ARHGAP45: variants seen among roughly 807,000 people sequenced by gnomAD.
ARHGAP45 encodes the protein Rho GTPase activating protein 45.
Under a neutral mutation model 116.1 loss-of-function variants are expected in ARHGAP45, and 56 were observed. The observed-to-expected ratio is 0.48, with a 90% CI of 0.39 to 0.60. The LOEUF is 0.60. ARHGAP45 is among the 20% of genes least tolerant of loss of function. The pLI is 0.00. For synonymous variants in ARHGAP45, 866 were observed against 701.7 expected (o/e 1.23, Z -3.70); for missense variants, 1,622 against 1,601.0 (o/e 1.01, Z -0.22).
chr19:1,086,321 T>TG lies in ARHGAP45; in HGVS notation c.*316dup. ...CTGTGTGGATGGAGGAAGCTGTCCCTGCCCAGTGCATCCCCCAGGTCATCA... is the reference window on the plus strand; with the variant it reads ...CTGTGTGGATGGAGGAAGCTGTCCCTGGCCCAGTGCATCCCCCAGGTCATCA... On this transcript the variant is annotated 3_prime_UTR_variant, in exon 23 of 23. Coordinates refer to ENST00000313093, the MANE Select transcript of ARHGAP45 (RefSeq NM_012292.5). 3.3e-6 allele frequency: 1 copy of TG among 299,346 alleles called. No individual in the cohort carries two copies. Among genetic ancestry groups the TG allele is most frequent in the Non-Finnish European group, 6.4e-6 (1 of 157,054 alleles). The allele number at this position is 299,346 out of a possible 1,614,324, so 18.5% of individuals were successfully genotyped here. A position where few individuals can be genotyped will look rare whatever the true frequency, so the allele number is the denominator to read the frequency against.
rs1262707171 is a variant in ARHGAP45 at position 1,071,147 on chromosome 19, G to A, written c.422-2002G>A. On this transcript the variant is annotated intron_variant, in intron 2 of 22. Coordinates refer to ENST00000313093, the MANE Select transcript of ARHGAP45 (RefSeq NM_012292.5). The surrounding 1 kb of genome is among the most constrained non-coding windows in gnomAD (Gnocchi z 4.6). The stretch of plus-strand genomic sequence containing the variant: ...CGGTTAAGGAAGGACCCAGGCTGGG[G>A]CGAACGGGACCCCAGGGCGGGGTTT... 20 of 1,290,042 alleles carry A rather than the reference G, an allele frequency of 1.6e-5. No individual in the cohort carries two copies. Among genetic ancestry groups the A allele is most frequent in the Non-Finnish European group, 1.6e-5 (16 of 1,014,522 alleles). 79.9% of individuals were successfully genotyped at this position (1,290,042 alleles called of 1,614,324 possible).
intron 2 of ARHGAP45, among the ~76,000 whole-genome samples, chr19:1,072,404 C>T (rs2043157555): frequency 6.6e-6 from 1 of 152,120 alleles, no homozygotes; most frequent in Non-Finnish European, 1.5e-5. Context: ...TCGATGAGGG[C>T]ATTTAGCTTT....
Position 1,085,868 on chromosome 19 carries a change from CG to C in ARHGAP45, c.3275del (p.Gly1092AlafsTer25). On this transcript the variant is annotated frameshift_variant, in exon 23 of 23. Coordinates refer to ENST00000313093, the MANE Select transcript of ARHGAP45 (RefSeq NM_012292.5). LOFTEE classifies it low-confidence loss of function (END_TRUNC). ...GGGAGGACGGGGACGGGGACGAGGA[CG>C]GCCCGGCCCAGCAGCTCTCAGGATT... ...AREDGDGDED[G>X]PAQQLSGFNT... 6.2e-7 allele frequency: 1 copy of C among 1,612,886 alleles called. No homozygotes were observed. The highest frequency in any genetic ancestry group is 1.1e-5 in the South Asian group (1 of 91,078).
chr19:1,078,086 G>T, intron 11 of ARHGAP45, 41 bp downstream of exon 11: 1 of 1,527,346 alleles, frequency 6.5e-7, no homozygotes, highest in East Asian at 2.5e-5. Flanking sequence ...CCCTGGAGGA[G>T]GAGATCCAAT....
At chr19:1,076,481 G>GTTTTTTTTTTTTTTTTTTTTTTTTTT (rs1568464614) in intron 10 of ARHGAP45, among the ~76,000 whole-genome samples, 5 of 104,148 alleles carry the variant, frequency 4.8e-5, no homozygotes, top group African/African-American at 2.0e-4. Flanking sequence ...GTTGGCAGTA[G>GTTTTTTTTTTTTTTTTTTTTTTTTTT]TCTTTTTTTT....
Position 1,082,847 on chromosome 19 carries a change from A to G in ARHGAP45, c.2525A>G (p.Glu842Gly). The G allele has an allele frequency of 6.6e-7, 1 of 1,510,110 alleles. No homozygotes were observed. The highest frequency in any genetic ancestry group is 1.3e-5 in the South Asian group (1 of 75,548). The allele number at this position is 1,510,110 out of a possible 1,614,324, so 93.5% of individuals were successfully genotyped here. Residue 842 changes from glutamate (E) to glycine (G), a missense_variant, in exon 20 of 23, where the codon GAG becomes GGG. Glu to Gly is a moderately conservative substitution (Grantham distance 98, BLOSUM62 -2). This residue lies in a region of ARHGAP45 where 1,334 missense variants were observed against 1,263.8 expected (regional missense o/e 1.06). Coordinates refer to ENST00000313093, the MANE Select transcript of ARHGAP45 (RefSeq NM_012292.5). ...ACCCTTGACTCTGCGCAGCTTCCCG[A>G]GCCGCTCATCTCCTTCCGCCTCTAC... ...VLKLYLRQLP[E>G]PLISFRLYHE...
intron 10 of ARHGAP45, among the ~76,000 whole-genome samples, chr19:1,076,002 T>C (rs1020735784): frequency 3.9e-5 from 6 of 152,160 alleles, no homozygotes; most frequent in South Asian, 2.1e-4. Context: ...TCACCCGATA[T>C]CAGTCAGCAT....
At position 1,083,018 on chromosome 19, in the gene ARHGAP45, C is replaced by A. The variant is rs1334163584; in HGVS notation, c.2696C>A (p.Pro899Gln). 2 of 1,544,772 alleles carry A rather than the reference C, an allele frequency of 1.3e-6. No homozygotes were observed. The highest frequency in any genetic ancestry group is 3.9e-5 in the Admixed American group (2 of 51,872). Residue 899 changes from proline (P) to glutamine (Q), a missense_variant, in exon 20 of 23, where the codon CCG becomes CAG. Coordinates refer to ENST00000313093, the MANE Select transcript of ARHGAP45 (RefSeq NM_012292.5). ...GRLRELLRDL[P>Q]PENRASLQYL... is the part of the protein sequence containing the mutation. ...CTGCGGGAGCTCCTGCGGGACCTGC[C>A]GCCTGAGAACCGGGCCTCGCTGCAG...
At position 1,068,419 on chromosome 19, in the gene ARHGAP45, G is replaced by C; in HGVS notation, c.96G>C (p.Leu32=). 6.4e-7 allele frequency: 1 copy of C among 1,564,162 alleles called. No homozygotes were observed. The change falls in exon 2 of 23, where the codon CTG becomes CTC. Residue 32 remains leucine (L), a synonymous_variant. Coordinates refer to ENST00000313093, the MANE Select transcript of ARHGAP45 (RefSeq NM_012292.5). This position sits in a 1 kb window ranked among gnomAD's most constrained non-coding sequence, Gnocchi z 7.5. ...TCCCCTCGGACCTGCCCAAGGAGCT[G>C]CCCAGGAAGGATGGGGCTGACGCGG... ...GSPSPQPSGE[L]PRKDGADAVF...
At chr19:1,076,903 T>A in intron 10 of ARHGAP45, 3 of 473,006 alleles carry the variant, frequency 6.3e-6, no homozygotes, top group Non-Finnish European at 8.2e-6. Context: ...AATTTTTTAA[T>A]TTTTTTGTAG....
At chr19:1,082,075 C>T in intron 19 of ARHGAP45, 114 bp downstream of exon 19, 1 of 277,066 alleles carries the variant, frequency 3.6e-6, no homozygotes, top group Non-Finnish European at 5.9e-6. Context: ...AGGACTGGCG[C>T]AAGCGGGGGC....
In ARHGAP45 at chr19:1,069,907, C is replaced by A. The variant is rs1441283567; in HGVS notation, c.421+1163C>A. ...TTGAGGCTCACTGTTACCTTGAACT[C>A]CTGGGCTCAAGCCATCCTCCTACCT... On this transcript the variant is annotated intron_variant, in intron 2 of 22. Coordinates refer to ENST00000313093, the MANE Select transcript of ARHGAP45 (RefSeq NM_012292.5). The surrounding 1 kb of genome is among the most constrained non-coding windows in gnomAD (Gnocchi z 4.1). Among the ~76,000 whole-genome samples, 1 of 151,414 alleles carries A rather than the reference C, an allele frequency of 6.6e-6. No individual in the cohort carries two copies. The highest frequency in any genetic ancestry group is 2.4e-5 in the African/African-American group (1 of 41,150).
chr19:1,067,762 G>T (rs1474699894), intron 1 of ARHGAP45: 6 of 657,124 alleles, frequency 9.1e-6, no homozygotes, highest in Non-Finnish European at 1.4e-5. Context: ...AGGGTGCCGG[G>T]TTGGGACGAT....
At chr19:1,083,414 T>TG in intron 21 of ARHGAP45, 61 bp downstream of exon 21, 1 of 1,416,346 alleles carries the variant, frequency 7.1e-7, no homozygotes, top group Non-Finnish European at 9.6e-7. Context: ...GGGGCGCTGC[T>TG]GGGGACAGTC....
rs756719410 is a variant in ARHGAP45, at chr19:1,073,028, G to A, written c.422-121G>A. 263 of 1,226,236 alleles carry A rather than the reference G, an allele frequency of 2.1e-4. 1 individual carries two copies. The highest frequency in any genetic ancestry group is 2.5e-4 in the Non-Finnish European group (221 of 886,188). The allele number at this position is 1,226,236 out of a possible 1,614,324, so 76.0% of individuals were successfully genotyped here. Reference sequence around the variant, plus strand: ...TCGAAATGAGCCCCAGGCATCTGCCGTCTTCCACCTCTGCCTCAGTTTCCC... The same window carrying A: ...TCGAAATGAGCCCCAGGCATCTGCCATCTTCCACCTCTGCCTCAGTTTCCC... On this transcript the variant is annotated intron_variant, in intron 2 of 22. Transcript: ENST00000313093.
rs1394734097 is a variant in ARHGAP45 at position 1,085,938 on chromosome 19, C to T, written c.3343C>T (p.Pro1115Ser). 1.2e-6 allele frequency: 2 copies of T among 1,612,974 alleles called. No homozygotes were observed. Among genetic ancestry groups the T allele is most frequent in the South Asian group, 2.2e-5 (2 of 91,088 alleles). ...CAACGTGCTGCAGGCCCCACTGCCCCCCATGAGGCTCCGTGGCGGGCGGAT... is the reference window on the plus strand; with the variant it reads ...CAACGTGCTGCAGGCCCCACTGCCCTCCATGAGGCTCCGTGGCGGGCGGAT... ...SNNVLQAPLP[P>S]MRLRGGRMTL... is the part of the protein sequence containing the mutation. Residue 1115 changes from proline (P) to serine (S), a missense_variant, in exon 23 of 23, where the codon CCC becomes TCC. Pro to Ser is a moderately conservative substitution (Grantham distance 74). Coordinates refer to ENST00000313093, the MANE Select transcript of ARHGAP45 (RefSeq NM_012292.5).
In ARHGAP45 at chr19:1,078,114, C is replaced by T. The variant is rs1462624146; in HGVS notation, c.1374+69C>T. 2.0e-6 allele frequency: 3 copies of T among 1,497,294 alleles called. No individual in the cohort carries two copies. In the African/African-American group the frequency reaches 4.3e-5, roughly 21 times the overall value. 92.8% of individuals were successfully genotyped at this position (1,497,294 alleles called of 1,614,324 possible). ...GATCCAATGCTTGGTGTGACATTTACTACCTCCAGACCTTTGTTTTTGTTT... is the reference window on the plus strand; with the variant it reads ...GATCCAATGCTTGGTGTGACATTTATTACCTCCAGACCTTTGTTTTTGTTT... On this transcript the variant is annotated intron_variant, in intron 11 of 22. Transcript: ENST00000313093.
At chr19:1,066,081 C>T, upstream of ARHGAP45, 2 of 1,535,686 alleles carry the variant, frequency 1.3e-6, no homozygotes, top group Admixed American at 2.0e-5. Flanking sequence ...TGCACTTGGA[C>T]CTGGGCCTGG....
chr19:1,074,793 C>A lies in ARHGAP45; in HGVS notation c.1105-6C>A. On this transcript the variant is annotated splice_polypyrimidine_tract_variant and splice_region_variant and intron_variant, in intron 9 of 22. Coordinates refer to ENST00000313093, the MANE Select transcript of ARHGAP45 (RefSeq NM_012292.5). ...GGGTACCCACTCACGGCCCGTCTCG[C>A]CCCAGCCCCTGACCCTGCGGCGGCT... 1 of 1,601,808 alleles carries A rather than the reference C, an allele frequency of 6.2e-7. No homozygotes were observed. Among genetic ancestry groups the A allele is most frequent in the East Asian group, 2.2e-5 (1 of 44,476 alleles).
Sources: gnomAD v4.1 joint callset for allele counts (sites outside exome capture counted in the v4.1 genomes callset) on GRCh38, gnomAD v4.1.1 for gene constraint, gnomAD v4.1.1 regional missense constraint, Gnocchi (gnomAD v3.1) non-coding constraint, MANE v1.5 for transcripts, NCBI Gene and HGNC (gene_info 2026-07-23, HGNC 2026-07-21) for gene names.